Variants in IL1RAPL1 observed in about 807,000 individuals in gnomAD.
The protein encoded by IL1RAPL1 is interleukin-1 receptor accessory protein-like 1.
In IL1RAPL1, 3 loss-of-function variants were observed where a neutral mutation model predicts 48.4. The observed-to-expected ratio is 0.06, with a 90% confidence interval of 0.03 to 0.16. The LOEUF (loss-of-function observed/expected upper bound fraction) is 0.16. IL1RAPL1 is among the 10% of genes least tolerant of loss of function. The pLI is 1.00. For synonymous variants in IL1RAPL1, 185 were observed against 187.7 expected (o/e 0.99, Z 0.12); for missense variants, 349 against 530.6 (o/e 0.66, Z 3.36).
At chrX:28,769,159 G>A (rs916104252) in intron 1 of IL1RAPL1, among the ~76,000 whole-genome samples, 1 of 109,354 alleles carries the variant, frequency 9.1e-6, no homozygotes, top group Admixed American at 1.0e-4. Context: ...GTGTATGTGT[G>A]TGTGTGTGTA....
intron 2 of IL1RAPL1, among the ~76,000 whole-genome samples, chrX:28,828,673 C>T (rs1197129509): frequency 8.9e-6 from 1 of 112,044 alleles, no homozygotes; most frequent in African/African-American, 3.2e-5. Flanking sequence ...AATCAATTGA[C>T]TATAAATGTG....
chrX:29,608,417 G>C (rs1054537726), intron 5 of IL1RAPL1, among the ~76,000 whole-genome samples: 38 of 109,245 alleles, frequency 3.5e-4, no homozygotes, highest in Non-Finnish European at 6.5e-4. Flanking sequence ...GGAAGGATGG[G>C]AGAAAGAAAG....
At chrX:29,096,692 A>G (rs2147460460) in intron 2 of IL1RAPL1, among the ~76,000 whole-genome samples, 1 of 110,850 alleles carries the variant, frequency 9.0e-6, no homozygotes, top group African/African-American at 3.2e-5. Context: ...CATGTAAGAA[A>G]TTTAAAAAAA....
At chrX:29,884,084 C>G (rs1354675398) in intron 6 of IL1RAPL1, among the ~76,000 whole-genome samples, 2 of 111,538 alleles carry the variant, frequency 1.8e-5, no homozygotes, top group African/African-American at 3.3e-5. Context: ...ACACACATTT[C>G]TCAAAAATGC....
chrX:29,032,134 G>T (rs953569825), intron 2 of IL1RAPL1, among the ~76,000 whole-genome samples: 5 of 111,675 alleles, frequency 4.5e-5, no homozygotes, highest in African/African-American at 1.6e-4. Context: ...TTAAAGGGAT[G>T]GTTTTCACAT....
intron 1 of IL1RAPL1, among the ~76,000 whole-genome samples, chrX:28,599,774 AAC>A (rs1322735794): frequency 1.8e-5 from 2 of 111,944 alleles, no homozygotes; most frequent in Non-Finnish European, 3.8e-5. Flanking sequence ...GCTCCCTGGA[AAC>A]AGACTCCGAG....
chrX:29,406,313 T>C (rs759451171), intron 5 of IL1RAPL1, among the ~76,000 whole-genome samples: 17 of 109,172 alleles, frequency 1.6e-4, no homozygotes, highest in East Asian at 2.9e-4. Flanking sequence ...GGCGTGAACC[T>C]GGGAGGCAGA....
chrX:29,587,492 A>G (rs1923218786), intron 5 of IL1RAPL1, among the ~76,000 whole-genome samples: 1 of 111,285 alleles, frequency 9.0e-6, no homozygotes, highest in African/African-American at 3.3e-5. Flanking sequence ...GTTATTAACA[A>G]TATTCTTGAA....
At chrX:29,695,823 A>C (rs1291072519) in intron 6 of IL1RAPL1, among the ~76,000 whole-genome samples, 3 of 111,445 alleles carry the variant, frequency 2.7e-5, no homozygotes, top group Non-Finnish European at 3.8e-5. Flanking sequence ...CGAGAGCAGC[A>C]TCACATGTGG....
intron 2 of IL1RAPL1, among the ~76,000 whole-genome samples, chrX:28,790,510 A>C (rs1383742253): frequency 8.9e-6 from 1 of 112,850 alleles, no homozygotes; most frequent in Non-Finnish European, 1.9e-5. Context: ...ATAAAGTCTG[A>C]AGGGAAACTG....
chrX:28,889,036 G>A (rs1922710428), intron 2 of IL1RAPL1, among the ~76,000 whole-genome samples: 1 of 111,199 alleles, frequency 9.0e-6, no homozygotes, highest in Admixed American at 9.6e-5. Context: ...GTTTAAAAAA[G>A]TAAGTTATTT....
intron 1 of IL1RAPL1, among the ~76,000 whole-genome samples, chrX:28,773,156 C>G (rs1936327358): frequency 9.0e-6 from 1 of 110,832 alleles, no homozygotes; most frequent in African/African-American, 3.3e-5. Context: ...ACACTGCAGC[C>G]TCGAACTCCT....
intron 2 of IL1RAPL1, among the ~76,000 whole-genome samples, chrX:29,156,373 A>G (rs1203929042): frequency 8.9e-6 from 1 of 112,053 alleles, no homozygotes; most frequent in Non-Finnish European, 1.9e-5. Flanking sequence ...AAAGACTTCG[A>G]CTTAAACTCT....
At chrX:29,400,656 C>T (rs1335785506) in intron 5 of IL1RAPL1, among the ~76,000 whole-genome samples, 1 of 111,575 alleles carries the variant, frequency 9.0e-6, no homozygotes, top group Admixed American at 9.5e-5. Flanking sequence ...AATTAGTTTT[C>T]CCTGTATATG....
intron 2 of IL1RAPL1, among the ~76,000 whole-genome samples, chrX:29,139,642 G>A (rs1014614234): frequency 1.8e-5 from 2 of 111,276 alleles, no homozygotes; most frequent in South Asian, 7.5e-4. Flanking sequence ...ACATGTGGCA[G>A]CTCTCTATGG....
chrX:29,013,502 T>A (rs899015087), intron 2 of IL1RAPL1, among the ~76,000 whole-genome samples: 1 of 112,202 alleles, frequency 8.9e-6, no homozygotes, highest in Non-Finnish European at 1.9e-5. Flanking sequence ...AAAGAAAATA[T>A]GGTACATATA....
chrX:29,870,947 G>T (rs6630972), intron 6 of IL1RAPL1, among the ~76,000 whole-genome samples: 4 of 112,106 alleles, frequency 3.6e-5, no homozygotes, highest in Middle Eastern at 4.6e-3. Flanking sequence ...CTCGTCTTAC[G>T]GTTCAGTAGG....
chrX:29,626,471 A>G (rs928701951), intron 5 of IL1RAPL1, among the ~76,000 whole-genome samples: 1 of 112,204 alleles, frequency 8.9e-6, no homozygotes, highest in African/African-American at 3.2e-5. Context: ...TTTGCTCATT[A>G]CATAAGCTGA....
chrX:28,837,984 A>G (rs988180069), intron 2 of IL1RAPL1, among the ~76,000 whole-genome samples: 5 of 110,628 alleles, frequency 4.5e-5, no homozygotes, highest in Non-Finnish European at 7.6e-5. Context: ...AGGTGTTATT[A>G]TCTTCACCAA....
Sources: gnomAD v4.1 joint callset for allele counts (sites outside exome capture counted in the v4.1 genomes callset) on GRCh38, gnomAD v4.1.1 for gene constraint, MANE v1.5 for transcripts, NCBI Gene and HGNC (gene_info 2026-07-23, HGNC 2026-07-21) for gene names.